SMAD2: variants seen among roughly 807,000 people sequenced by gnomAD.
SMAD2 encodes the protein SMAD family member 2.
In SMAD2, 8 loss-of-function variants were observed where a neutral mutation model predicts 64.4. That is an observed-to-expected ratio of 0.12 (90% CI 0.07 to 0.22). SMAD2 has a LOEUF of 0.22. Among genes scored for constraint, SMAD2 ranks in the 10% least tolerant of loss-of-function variants. The pLI is 1.00. For missense variants in SMAD2, 289 were observed against 561.2 expected (o/e 0.51, Z 4.90); for synonymous variants, 203 against 195.8 (o/e 1.04, Z -0.31).
At chr18:47,921,833 A>G (rs542327935) in intron 1 of SMAD2, among the ~76,000 whole-genome samples, 173 of 152,356 alleles carry the variant, frequency 1.1e-3, no homozygotes, top group African/African-American at 3.9e-3. Flanking sequence ...AACTGTATAC[A>G]TAAGAGAAAA....
intron 5 of SMAD2, among the ~76,000 whole-genome samples, chr18:47,865,362 A>G (rs190177003): frequency 6.6e-6 from 1 of 152,300 alleles, no homozygotes; most frequent in African/African-American, 2.4e-5. Context: ...CTGGACATAC[A>G]CATTATGTAC....
Position 47,850,820 on chromosome 18 carries a change from TATATTA to T in SMAD2, c.784+448_784+453del, listed in dbSNP as rs2029948233. Among the ~76,000 whole-genome samples, 6 of 31,042 alleles carry T rather than the reference TATATTA, an allele frequency of 1.9e-4. 2 individuals are homozygous for T. Among genetic ancestry groups the T allele is most frequent in the Non-Finnish European group, 2.6e-4 (5 of 19,370 alleles). 20.4% of individuals were successfully genotyped at this position (31,042 alleles called of 152,430 possible). On this transcript the variant is annotated intron_variant, in intron 7 of 10. Transcript: ENST00000262160. ...TATATATATTATGTATAATATATTATATATTATATATATTATGTATATTATATATTA... is the reference window on the plus strand; with the variant it reads ...TATATATATTATGTATAATATATTATTATATATTATGTATATTATATATTA...
rs1323556942 is a variant in SMAD2 at position 47,813,825 on chromosome 18, T to C, written c.*28002A>G. The C allele has an allele frequency of 6.8e-6, 1 of 147,544 alleles. No individual in the cohort carries two copies. The highest frequency in any genetic ancestry group is 1.5e-5 in the Non-Finnish European group (1 of 67,572). 9.1% of individuals were successfully genotyped at this position (147,544 alleles called of 1,614,324 possible). On this transcript the variant is annotated 3_prime_UTR_variant, in exon 11 of 11. Coordinates refer to ENST00000262160, the MANE Select transcript of SMAD2 (RefSeq NM_005901.6). ...AAGTGCAGAGCAAAGGCCAGAGAGATATCCAAGCCAGAGAGATATCCAAGG... is the reference window on the plus strand; with the variant it reads ...AAGTGCAGAGCAAAGGCCAGAGAGACATCCAAGCCAGAGAGATATCCAAGG...
At chr18:47,856,137 TG>T (rs1182145752) in intron 6 of SMAD2, among the ~76,000 whole-genome samples, 72 of 103,902 alleles carry the variant, frequency 6.9e-4, no homozygotes, top group East Asian at 6.2e-3. Flanking sequence ...ATCTCATATG[TG>T]GGGTTTTTTT....
At chr18:47,924,764 C>T (rs775620878) in intron 1 of SMAD2, among the ~76,000 whole-genome samples, 4 of 152,292 alleles carry the variant, frequency 2.6e-5, no homozygotes, top group East Asian at 1.9e-4. Context: ...CCTCCGGCCT[C>T]ACCACCTCAC....
At chr18:47,908,954 AATC>A (rs941412471) in intron 1 of SMAD2, among the ~76,000 whole-genome samples, 11 of 152,214 alleles carry the variant, frequency 7.2e-5, no homozygotes, top group Non-Finnish European at 1.2e-4. Flanking sequence ...AGCAGAGAAA[AATC>A]ATGACATTAC....
At chr18:47,849,334 T>C (rs1163528404) in intron 7 of SMAD2, among the ~76,000 whole-genome samples, 2 of 152,104 alleles carry the variant, frequency 1.3e-5, no homozygotes, top group African/African-American at 2.4e-5. Flanking sequence ...ATTTAGCTTC[T>C]GCAGTTTGAC....
At chr18:47,928,706 A>G (rs2034866877) in intron 1 of SMAD2, among the ~76,000 whole-genome samples, 1 of 152,264 alleles carries the variant, frequency 6.6e-6, no homozygotes. Context: ...TTGAAAACCC[A>G]AACTTTTGTT....
chr18:47,896,952 G>A (rs566514420), intron 1 of SMAD2, 143 bp from the exon 2 acceptor site: 13 of 720,958 alleles, frequency 1.8e-5, no homozygotes, highest in Admixed American at 1.4e-4. Context: ...CCATGAAAAC[G>A]TTATCTTTAT....
Position 47,833,587 on chromosome 18 carries a change from A to C in SMAD2, c.*8240T>G, listed in dbSNP as rs1386857274. 2 of 230,916 alleles carry C rather than the reference A, an allele frequency of 8.7e-6. No individual in the cohort carries two copies. Among genetic ancestry groups the C allele is most frequent in the Non-Finnish European group, 1.7e-5 (2 of 116,492 alleles). 14.3% of individuals were successfully genotyped at this position (230,916 alleles called of 1,614,324 possible). A position where few individuals can be genotyped will look rare whatever the true frequency, so the allele number is the denominator to read the frequency against. On this transcript the variant is annotated 3_prime_UTR_variant, in exon 11 of 11. Transcript: ENST00000262160. ...TACAAAGTTAATGCCATCAGAGAAAAAAAATCTCACCTCACGTGCTCAATG... is the reference window on the plus strand; with the variant it reads ...TACAAAGTTAATGCCATCAGAGAAACAAAATCTCACCTCACGTGCTCAATG...
intron 6 of SMAD2, among the ~76,000 whole-genome samples, chr18:47,855,301 T>A (rs2030568898): frequency 1.3e-5 from 2 of 152,228 alleles, no homozygotes; most frequent in South Asian, 4.1e-4. Flanking sequence ...AAATTATAAA[T>A]AAAGCTGCTA....
chr18:47,911,056 A>G (rs1350032255), intron 1 of SMAD2, among the ~76,000 whole-genome samples: 4 of 152,228 alleles, frequency 2.6e-5, no homozygotes, highest in Non-Finnish European at 5.9e-5. Context: ...TTGCTAGAAA[A>G]TAATGGCCAT....
Position 47,844,805 on chromosome 18 carries a change from C to A in SMAD2, c.1280+535G>T. On this transcript the variant is annotated intron_variant, in intron 10 of 10. Coordinates refer to ENST00000262160, the MANE Select transcript of SMAD2 (RefSeq NM_005901.6). ...ATACTACACTTAAAACAGCACAGTG[C>A]CTGGCACATTAGCAAGTATTCCTTC... is the stretch of plus-strand genomic sequence containing the variant. The A allele has an allele frequency of 1.2e-5, 2 of 171,066 alleles. 1 individual carries two copies. Among genetic ancestry groups the A allele is most frequent in the Non-Finnish European group, 2.5e-5 (2 of 79,974 alleles). 10.6% of individuals were successfully genotyped at this position (171,066 alleles called of 1,614,324 possible).
intron 6 of SMAD2, among the ~76,000 whole-genome samples, chr18:47,853,738 T>C (rs561263158): frequency 6.6e-6 from 1 of 151,406 alleles, no homozygotes; most frequent in South Asian, 2.1e-4. Flanking sequence ...TTTTCTCAGT[T>C]TGAAAAATCT....
chr18:47,912,480 A>T (rs2034175577), intron 1 of SMAD2: 1 of 152,270 alleles, frequency 6.6e-6, no homozygotes, highest in Non-Finnish European at 1.5e-5. Context: ...CCTTTATGTA[A>T]GTAACTATGT....
intron 7 of SMAD2, among the ~76,000 whole-genome samples, chr18:47,849,514 T>A (rs982333673): frequency 8.0e-5 from 12 of 150,912 alleles, no homozygotes; most frequent in Non-Finnish European, 1.2e-4. Context: ...TATATAGTCA[T>A]CCCTTGGCAT....
chr18:47,845,289 T>C (rs1293163467), intron 10 of SMAD2, 51 bp downstream of exon 10: 1 of 1,519,134 alleles, frequency 6.6e-7, no homozygotes, highest in South Asian at 1.1e-5. Context: ...AAGAATGCAA[T>C]GAAACATAAT....
intron 1 of SMAD2, among the ~76,000 whole-genome samples, chr18:47,912,807 T>C (rs1338564935): frequency 1.0e-5 from 1 of 100,052 alleles, no homozygotes; most frequent in Admixed American, 1.4e-4. Context: ...ATTCCATTCA[T>C]AAGAATTTAG....
intron 6 of SMAD2, among the ~76,000 whole-genome samples, chr18:47,864,527 T>A (rs1156950496): frequency 6.6e-6 from 1 of 152,206 alleles, no homozygotes; most frequent in Non-Finnish European, 1.5e-5. Context: ...TCTGCTGAGT[T>A]ATACATTTTA....
Sources: gnomAD v4.1 joint callset for allele counts (sites outside exome capture counted in the v4.1 genomes callset) on GRCh38, gnomAD v4.1.1 for gene constraint, MANE v1.5 for transcripts, NCBI Gene and HGNC (gene_info 2026-07-23, HGNC 2026-07-21) for gene names.